Variants in MARCHF5 observed in about 807,000 individuals in gnomAD.
The protein encoded by MARCHF5 is membrane associated ring-CH-type finger 5.
In MARCHF5, 5 loss-of-function variants were observed where a neutral mutation model predicts 36.5. That is an observed-to-expected ratio of 0.14 (90% CI 0.07 to 0.29). The LOEUF (loss-of-function observed/expected upper bound fraction) is 0.29, where lower values mean the gene tolerates loss of function less well. Ranked by LOEUF, MARCHF5 falls within the 10% of genes least tolerant of loss-of-function variation. The pLI is 1.00. For missense variants in MARCHF5, 179 were observed against 336.3 expected (o/e 0.53, Z 3.66); for synonymous variants, 103 against 109.9 (o/e 0.94, Z 0.39).
intron 2 of MARCHF5, among the ~76,000 whole-genome samples, chr10:92,327,934 C>T (rs1017438499): frequency 6.6e-6 from 1 of 152,008 alleles, no homozygotes; most frequent in Non-Finnish European, 1.5e-5. Flanking sequence ...TAATCAAGGT[C>T]ATTATCACCA....
intron 5 of MARCHF5, chr10:92,350,067 A>G (rs1018739970): frequency 8.6e-6 from 4 of 467,546 alleles, no homozygotes; most frequent in African/African-American, 2.0e-5. Flanking sequence ...CTCCTGGCAT[A>G]TGCATGAATC....
chr10:92,323,406 CAT>C (rs1319343067), intron 2 of MARCHF5, among the ~76,000 whole-genome samples: 1 of 152,032 alleles, frequency 6.6e-6, no homozygotes, highest in East Asian at 1.9e-4. Flanking sequence ...CCAGAGTGTC[CAT>C]AGTTTACATT....
At chr10:92,329,046 T>G (rs1843406391) in intron 2 of MARCHF5, among the ~76,000 whole-genome samples, 1 of 152,158 alleles carries the variant, frequency 6.6e-6, no homozygotes, top group African/African-American at 2.4e-5. Flanking sequence ...ATTGTTTCAT[T>G]AAGTAATACA....
At chr10:92,339,669 C>CA (rs60607021) in intron 2 of MARCHF5, among the ~76,000 whole-genome samples, 4 of 149,426 alleles carry the variant, frequency 2.7e-5, no homozygotes, top group African/African-American at 4.9e-5. Flanking sequence ...GACTCCATCT[C>CA]AAAAAAAAAT....
At chr10:92,346,492 C>CTTTTTTTTTTTTT (rs763991703) in intron 3 of MARCHF5, among the ~76,000 whole-genome samples, 2 of 88,300 alleles carry the variant, frequency 2.3e-5, no homozygotes, top group Admixed American at 1.4e-4. Context: ...CTATTTCCTT[C>CTTTTTTTTTTTTT]TTTTTTTTTT....
intron 5 of MARCHF5, 89 bp from the exon 6 acceptor site, chr10:92,351,002 A>G (rs1313071609): frequency 5.6e-6 from 4 of 711,170 alleles, no homozygotes; most frequent in African/African-American, 5.4e-5. Context: ...ATCAAAGCCT[A>G]CGTCTTTTGT....
At chr10:92,321,070 T>C (rs540443217) in intron 2 of MARCHF5, among the ~76,000 whole-genome samples, 2 of 152,198 alleles carry the variant, frequency 1.3e-5, no homozygotes, top group South Asian at 4.1e-4. Context: ...TACAGTAACA[T>C]GCTGTGCAGG....
At chr10:92,331,179 T>C (rs1843431656) in intron 2 of MARCHF5, among the ~76,000 whole-genome samples, 1 of 152,200 alleles carries the variant, frequency 6.6e-6, no homozygotes, top group Non-Finnish European at 1.5e-5. Context: ...TGCCAGCTGT[T>C]TTTATGTGTT....
intron 2 of MARCHF5, among the ~76,000 whole-genome samples, chr10:92,329,747 T>C (rs1448898524): frequency 6.6e-6 from 1 of 152,336 alleles, no homozygotes; most frequent in South Asian, 2.1e-4. Context: ...GAAGTTCCTA[T>C]GTATGATCAA....
At chr10:92,329,135 T>C (rs1203021102) in intron 2 of MARCHF5, among the ~76,000 whole-genome samples, 2 of 152,192 alleles carry the variant, frequency 1.3e-5, no homozygotes, top group Non-Finnish European at 1.5e-5. Context: ...AAGAAGAGAT[T>C]GCTGAGTCAG....
intron 3 of MARCHF5, among the ~76,000 whole-genome samples, chr10:92,347,748 C>G (rs962986645): frequency 5.3e-5 from 8 of 152,160 alleles, no homozygotes; most frequent in Non-Finnish European, 1.2e-4. Context: ...AGAAGAATAT[C>G]AAATTCGATG....
chr10:92,326,833 A>G (rs551164018), intron 2 of MARCHF5, among the ~76,000 whole-genome samples: 1 of 151,420 alleles, frequency 6.6e-6, no homozygotes, highest in Non-Finnish European at 1.5e-5. Flanking sequence ...TTTTTCCCCC[A>G]GGTAATGCAT....
rs549753199 is a variant in MARCHF5, at chr10:92,347,905, G to A, written c.370-1444G>A. 6.6e-5 allele frequency among the ~76,000 whole-genome samples: 10 copies of A among 152,238 alleles called. No individual in the cohort carries two copies. In the South Asian group the frequency reaches 1.2e-3, roughly 19 times the overall value. On this transcript the variant is annotated intron_variant, in intron 3 of 5. Transcript: ENST00000358935. ...ACTTTCATAAAACATTTCTGGGGCC[G>A]GGCGCAGTGGCTCACGCCTGTAATC...
chr10:92,346,984 A>C (rs1843651894), intron 3 of MARCHF5, among the ~76,000 whole-genome samples: 1 of 152,208 alleles, frequency 6.6e-6, no homozygotes, highest in Non-Finnish European at 1.5e-5. Flanking sequence ...CACTTTGAGA[A>C]TATTTAATCA....
intron 1 of MARCHF5, among the ~76,000 whole-genome samples, chr10:92,306,838 A>AC (rs1843078483): frequency 6.6e-6 from 1 of 151,982 alleles, no homozygotes; most frequent in Non-Finnish European, 1.5e-5. Flanking sequence ...AGGTGGTGAA[A>AC]CCCCATCTCT....
At chr10:92,321,508 A>G (rs540925376) in intron 2 of MARCHF5, among the ~76,000 whole-genome samples, 1 of 152,150 alleles carries the variant, frequency 6.6e-6, no homozygotes, top group East Asian at 1.9e-4. Flanking sequence ...TGTACTCATA[A>G]TGGGTATTGG....
intron 2 of MARCHF5, among the ~76,000 whole-genome samples, chr10:92,320,940 C>T (rs893686588): frequency 1.3e-5 from 2 of 152,150 alleles, no homozygotes; most frequent in Non-Finnish European, 2.9e-5. Context: ...CTTGGAAGCT[C>T]CATTCATGAT....
At chr10:92,337,472 C>T (rs1250846647) in intron 2 of MARCHF5, among the ~76,000 whole-genome samples, 1 of 152,022 alleles carries the variant, frequency 6.6e-6, no homozygotes, top group Non-Finnish European at 1.5e-5. Flanking sequence ...GAGCCGAGAT[C>T]GTGCCATTGC....
intron 1 of MARCHF5, 49 bp from the exon 2 acceptor site, chr10:92,311,086 C>A: frequency 7.1e-7 from 1 of 1,418,090 alleles, no homozygotes; most frequent in Non-Finnish European, 9.9e-7. Context: ...ATAGAGGAGG[C>A]TGGAGTCCTA....
Sources: gnomAD v4.1 joint callset for allele counts (sites outside exome capture counted in the v4.1 genomes callset) on GRCh38, gnomAD v4.1.1 for gene constraint, MANE v1.5 for transcripts, NCBI Gene and HGNC (gene_info 2026-07-23, HGNC 2026-07-21) for gene names.